Variants in DAAM1 observed in about 807,000 individuals in gnomAD.
DAAM1 encodes disheveled-associated activator of morphogenesis 1.
In DAAM1, 52 loss-of-function variants were observed where a neutral mutation model predicts 130.0. The ratio of observed to expected loss-of-function variants is 0.40; its 90% CI spans 0.32 to 0.50. The LOEUF is 0.50. Among genes scored for constraint, DAAM1 ranks in the 20% least tolerant of loss-of-function variants. The pLI, the probability that DAAM1 is intolerant of heterozygous loss-of-function variation, is 0.61. For synonymous variants in DAAM1, 452 were observed against 444.5 expected, an observed-to-expected ratio of 1.02 and a Z score of -0.21; for missense variants, 1,134 against 1,303.8, an observed-to-expected ratio of 0.87 and a Z score of 2.01.
chr14:59,325,879 C>T, intron 9 of DAAM1, 81 bp from the exon 10 acceptor site: 1 of 1,531,916 alleles, frequency 6.5e-7, no homozygotes, highest in Admixed American at 1.7e-5. Context: ...GGATTAGCTT[C>T]TGTTTGCTTT....
chr14:59,295,408 A>C (rs996776423), intron 3 of DAAM1, among the ~76,000 whole-genome samples: 3 of 152,226 alleles, frequency 2.0e-5, no homozygotes, highest in African/African-American at 7.2e-5. Context: ...CATCTAAGGA[A>C]AGTGGCTGGA....
chr14:59,367,355 C>A, intron 23 of DAAM1, 74 bp from the exon 24 acceptor site: 1 of 1,516,146 alleles, frequency 6.6e-7, no homozygotes, highest in Non-Finnish European at 8.8e-7. Flanking sequence ...GGGCTTTGGT[C>A]TTTCTCAAGT....
intron 1 of DAAM1, among the ~76,000 whole-genome samples, chr14:59,202,055 CA>C (rs1391905001): frequency 6.6e-6 from 1 of 152,204 alleles, no homozygotes; most frequent in East Asian, 1.9e-4. Context: ...TACCCATTCA[CA>C]AATAATCAGT....
At chr14:59,251,395 G>A (rs8017607) in intron 1 of DAAM1, among the ~76,000 whole-genome samples, 9,035 of 151,034 alleles carry the variant, frequency 0.06, 897 homozygotes, top group African/African-American at 0.21. Context: ...GCCCATTGTG[G>A]GGCTGAGGTT....
intron 2 of DAAM1, among the ~76,000 whole-genome samples, chr14:59,266,607 C>T (rs1040595938): frequency 6.6e-6 from 1 of 152,228 alleles, no homozygotes; most frequent in African/African-American, 2.4e-5. Flanking sequence ...AGGTTTGTAT[C>T]TGTCCTGGTA....
chr14:59,309,429 A>G (rs181192994), intron 3 of DAAM1, among the ~76,000 whole-genome samples: 3 of 152,348 alleles, frequency 2.0e-5, no homozygotes, highest in Non-Finnish European at 2.9e-5. Flanking sequence ...TGATACATGA[A>G]AAATAGTTGG....
In DAAM1 at chr14:59,206,103, C is replaced by T. The variant is rs370640115; in HGVS notation, c.-38+17335C>T. Among the ~76,000 whole-genome samples, 26 of 152,146 alleles carry T rather than the reference C, an allele frequency of 1.7e-4. 1 individual carries two copies. The highest frequency in any genetic ancestry group is 8.5e-4 in the Admixed American group (13 of 15,270). ...TCCTGGGCTCAAGCAATTCTCCCACCGTGGCCTCCCAAAGTTGCTGGGATT... is the reference window on the plus strand; with the variant it reads ...TCCTGGGCTCAAGCAATTCTCCCACTGTGGCCTCCCAAAGTTGCTGGGATT... On this transcript the variant is annotated intron_variant, in intron 1 of 24. Transcript: ENST00000360909.
chr14:59,284,480 T>G (rs999895054), intron 2 of DAAM1, among the ~76,000 whole-genome samples: 3 of 152,140 alleles, frequency 2.0e-5, no homozygotes, highest in African/African-American at 4.8e-5. Context: ...TTTATTGAAA[T>G]GGCTAAAATG....
intron 4 of DAAM1, among the ~76,000 whole-genome samples, chr14:59,319,241 T>C (rs532841822): frequency 1.3e-5 from 2 of 152,178 alleles, no homozygotes; most frequent in Non-Finnish European, 2.9e-5. Flanking sequence ...GCAGAAACAA[T>C]AACAAGATTT....
intron 23 of DAAM1, among the ~76,000 whole-genome samples, chr14:59,366,806 C>T (rs1250786170): frequency 2.0e-5 from 3 of 151,972 alleles, no homozygotes; most frequent in Non-Finnish European, 2.9e-5. Context: ...CCCAGCTACT[C>T]GTGAGGCTTA....
At chr14:59,206,484 C>T (rs1888265902) in intron 1 of DAAM1, among the ~76,000 whole-genome samples, 1 of 152,028 alleles carries the variant, frequency 6.6e-6, no homozygotes, top group Non-Finnish European at 1.5e-5. Flanking sequence ...ACCGTGTTAG[C>T]CAGGATGGTC....
intron 1 of DAAM1, among the ~76,000 whole-genome samples, chr14:59,246,530 T>C (rs1881388753): frequency 6.6e-6 from 1 of 152,200 alleles, no homozygotes; most frequent in Non-Finnish European, 1.5e-5. Flanking sequence ...CAAATATCTG[T>C]TCAAAACCCT....
intron 2 of DAAM1, among the ~76,000 whole-genome samples, chr14:59,289,784 A>ATATATATATAT: frequency 1.5e-4 from 19 of 128,650 alleles, no homozygotes; most frequent in Non-Finnish European, 2.1e-4. Flanking sequence ...ATATATATAT[A>ATATATATATAT]ATGGAATGCT....
intron 2 of DAAM1, chr14:59,264,207 TA>T (rs1361784471): frequency 1.2e-5 from 2 of 163,034 alleles, no homozygotes; most frequent in African/African-American, 4.8e-5. Flanking sequence ...GGAATCTTTT[TA>T]TAGGTACTAT....
intron 1 of DAAM1, among the ~76,000 whole-genome samples, chr14:59,213,125 C>T (rs539395152): frequency 2.4e-4 from 36 of 151,604 alleles, no homozygotes; most frequent in South Asian, 1.5e-3. Flanking sequence ...GTTCTAAAGA[C>T]GTATTTTACT....
intron 3 of DAAM1, among the ~76,000 whole-genome samples, chr14:59,314,479 GA>G (rs1884710140): frequency 7.2e-6 from 1 of 139,734 alleles, no homozygotes; most frequent in Non-Finnish European, 1.6e-5. Flanking sequence ...ACTGATAACT[GA>G]TTTTTTTTTT....
intron 16 of DAAM1, among the ~76,000 whole-genome samples, chr14:59,341,102 A>G (rs1442388802): frequency 6.6e-6 from 1 of 152,198 alleles, no homozygotes; most frequent in Admixed American, 6.5e-5. Flanking sequence ...CTTGGTTTTC[A>G]TGGAAGTTGA....
intron 3 of DAAM1, among the ~76,000 whole-genome samples, chr14:59,298,117 A>T (rs1884029763): frequency 6.6e-6 from 1 of 152,196 alleles, no homozygotes; most frequent in African/African-American, 2.4e-5. Flanking sequence ...TTAAAAATTC[A>T]TGCAATGTAT....
intron 2 of DAAM1, among the ~76,000 whole-genome samples, chr14:59,288,860 A>C (rs565947904): frequency 0.073 from 10,522 of 144,092 alleles, 445 homozygotes; most frequent in Non-Finnish European, 0.1. Flanking sequence ...AGAGAGAGAG[A>C]GCGCGCGAAG....
Sources: gnomAD v4.1 joint callset for allele counts (sites outside exome capture counted in the v4.1 genomes callset) on GRCh38, gnomAD v4.1.1 for gene constraint, MANE v1.5 for transcripts, NCBI Gene and HGNC (gene_info 2026-07-23, HGNC 2026-07-21) for gene names.